Variants in NALF1 observed in about 807,000 individuals in gnomAD.
NALF1 encodes family with sequence similarity 155 member A.
Under a neutral mutation model 48.4 loss-of-function variants are expected in NALF1, and 3 were observed. The observed-to-expected ratio is 0.06, with a 90% confidence interval of 0.03 to 0.16. The LOEUF (loss-of-function observed/expected upper bound fraction) is 0.16. Among genes scored for constraint, NALF1 ranks in the 10% least tolerant of loss-of-function variants. NALF1 has a pLI of 1.00. For missense variants in NALF1, 526 were observed against 571.5 expected, an observed-to-expected ratio of 0.92 and a Z score of 0.81; for synonymous variants, 262 against 245.7, an observed-to-expected ratio of 1.07 and a Z score of -0.62.
intron 1 of NALF1, among the ~76,000 whole-genome samples, chr13:107,687,669 A>G (rs974505623): frequency 6.6e-6 from 1 of 152,212 alleles, no homozygotes. Flanking sequence ...GCCTAGAGCA[A>G]CACTGTTCAA....
chr13:107,449,987 T>C (rs1458140938), intron 1 of NALF1, among the ~76,000 whole-genome samples: 3 of 152,170 alleles, frequency 2.0e-5, no homozygotes, highest in African/African-American at 4.8e-5. Flanking sequence ...AGCAATTTTC[T>C]TCAAAGTGTT....
intron 1 of NALF1, among the ~76,000 whole-genome samples, chr13:107,312,202 G>T (rs1004395470): frequency 6.6e-5 from 10 of 152,166 alleles, no homozygotes; most frequent in African/African-American, 2.4e-4. Flanking sequence ...ACTGGATTAA[G>T]AAAATGTGGC....
intron 1 of NALF1, among the ~76,000 whole-genome samples, chr13:107,252,095 C>T (rs1404733319): frequency 6.6e-6 from 1 of 152,086 alleles, no homozygotes; most frequent in African/African-American, 2.4e-5. Context: ...GAGCCTCTAC[C>T]ACCCCCACTG....
intron 1 of NALF1, among the ~76,000 whole-genome samples, chr13:107,836,220 G>A (rs571093198): frequency 3.5e-4 from 54 of 152,130 alleles, no homozygotes; most frequent in Middle Eastern, 3.4e-3. Context: ...CAAACTCCTG[G>A]ACTCAAGCAA....
intron 1 of NALF1, among the ~76,000 whole-genome samples, chr13:107,327,460 G>A (rs1477038163): frequency 2.0e-5 from 3 of 152,154 alleles, no homozygotes; most frequent in East Asian, 1.9e-4. Flanking sequence ...TATAATGGGC[G>A]ATATTCTAAT....
At chr13:107,749,944 C>T (rs879397723) in intron 1 of NALF1, among the ~76,000 whole-genome samples, 3 of 152,004 alleles carry the variant, frequency 2.0e-5, no homozygotes, top group Non-Finnish European at 2.9e-5. Context: ...CTCAGCCTCC[C>T]AAGTAGCTGG....
chr13:107,203,031 C>A (rs992512184), intron 2 of NALF1, among the ~76,000 whole-genome samples: 1 of 152,206 alleles, frequency 6.6e-6, no homozygotes, highest in African/African-American at 2.4e-5. Flanking sequence ...AGGATAATTT[C>A]ATTGTTCAAA....
intron 1 of NALF1, among the ~76,000 whole-genome samples, chr13:107,473,135 G>GT (rs1170455002): frequency 1.3e-5 from 2 of 152,136 alleles, no homozygotes; most frequent in Non-Finnish European, 2.9e-5. Context: ...ACCTTACATA[G>GT]ATTCTCCCTC....
At chr13:107,616,035 C>T (rs561282291) in intron 1 of NALF1, among the ~76,000 whole-genome samples, 1 of 152,258 alleles carries the variant, frequency 6.6e-6, no homozygotes, top group Non-Finnish European at 1.5e-5. Flanking sequence ...TCTGAAGGTC[C>T]TGTCGCACAA....
intron 1 of NALF1, among the ~76,000 whole-genome samples, chr13:107,784,059 A>T (rs1299942515): frequency 6.6e-6 from 1 of 152,130 alleles, no homozygotes; most frequent in Non-Finnish European, 1.5e-5. Flanking sequence ...TCCAAGAGCC[A>T]TGAAGAGGTG....
At chr13:107,680,474 G>T (rs1368482642) in intron 1 of NALF1, among the ~76,000 whole-genome samples, 1 of 151,796 alleles carries the variant, frequency 6.6e-6, no homozygotes, top group Admixed American at 6.6e-5. Flanking sequence ...GCATATGAAT[G>T]AGAGTGTGTG....
At chr13:107,755,816 A>G (rs1214004928) in intron 1 of NALF1, among the ~76,000 whole-genome samples, 3 of 152,180 alleles carry the variant, frequency 2.0e-5, no homozygotes, top group Admixed American at 6.5e-5. Context: ...AATCTTGAAC[A>G]CCAGAACCAG....
chr13:107,763,699 A>G (rs925871850), intron 1 of NALF1, among the ~76,000 whole-genome samples: 1 of 152,172 alleles, frequency 6.6e-6, no homozygotes, highest in African/African-American at 2.4e-5. Context: ...CCATGGTTAC[A>G]GGGATACACA....
At chr13:107,453,648 C>T (rs1207335950) in intron 1 of NALF1, among the ~76,000 whole-genome samples, 4 of 152,204 alleles carry the variant, frequency 2.6e-5, no homozygotes, top group African/African-American at 9.6e-5. Flanking sequence ...TGATATTTAA[C>T]ATTTAGCTCT....
intron 2 of NALF1, among the ~76,000 whole-genome samples, chr13:107,203,208 C>T (rs1205437035): frequency 6.6e-6 from 1 of 152,178 alleles, no homozygotes; most frequent in Non-Finnish European, 1.5e-5. Flanking sequence ...CCATATTCTT[C>T]CTAAACTGAC....
At chr13:107,280,329 G>T (rs145385898) in intron 1 of NALF1, among the ~76,000 whole-genome samples, 1 of 151,982 alleles carries the variant, frequency 6.6e-6, no homozygotes, top group Non-Finnish European at 1.5e-5. Context: ...TTAAAAACTC[G>T]AATTATGCTA....
At chr13:107,753,528 A>T (rs1374863995) in intron 1 of NALF1, among the ~76,000 whole-genome samples, 1 of 151,070 alleles carries the variant, frequency 6.6e-6, no homozygotes, top group Non-Finnish European at 1.5e-5. Flanking sequence ...AGGGATGATG[A>T]CGAAATACAA....
At chr13:107,792,197 C>A (rs1010000910) in intron 1 of NALF1, among the ~76,000 whole-genome samples, 4 of 152,144 alleles carry the variant, frequency 2.6e-5, no homozygotes, top group African/African-American at 9.7e-5. Context: ...AAGTACACTA[C>A]TAATCCTATT....
At chr13:107,316,391 A>G (rs1024281042) in intron 1 of NALF1, among the ~76,000 whole-genome samples, 6 of 152,242 alleles carry the variant, frequency 3.9e-5, no homozygotes. Flanking sequence ...AGCATGATTT[A>G]TAATCCTTTG....
Sources: gnomAD v4.1 joint callset for allele counts (sites outside exome capture counted in the v4.1 genomes callset) on GRCh38, gnomAD v4.1.1 for gene constraint, MANE v1.5 for transcripts, NCBI Gene and HGNC (gene_info 2026-07-23, HGNC 2026-07-21) for gene names.